The following LARP4B variants were observed in gnomAD, a reference collection of about 807,000 sequenced individuals.
LARP4B encodes the protein La ribonucleoprotein 4B.
In LARP4B, 12 loss-of-function variants were observed where a neutral mutation model predicts 89.8. The observed-to-expected ratio is 0.13, with a 90% CI of 0.09 to 0.22. The LOEUF (loss-of-function observed/expected upper bound fraction) is 0.22. Ranked by LOEUF, LARP4B falls within the 10% of genes least tolerant of loss-of-function variation. The pLI is 1.00. For synonymous variants in LARP4B, 367 were observed against 363.3 expected, an observed-to-expected ratio of 1.01 and a Z score of -0.12; for missense variants, 757 against 947.7, an observed-to-expected ratio of 0.80 and a Z score of 2.64.
chr10:865,967 AC>A (rs1386302763), intron 3 of LARP4B, among the ~76,000 whole-genome samples: 5 of 152,178 alleles, frequency 3.3e-5, no homozygotes, highest in Non-Finnish European at 1.5e-5. Flanking sequence ...GCTGGAAAGG[AC>A]CACCATGAGC....
intron 3 of LARP4B, among the ~76,000 whole-genome samples, chr10:869,836 G>A (rs1206195873): frequency 6.6e-6 from 1 of 151,380 alleles, no homozygotes; most frequent in Non-Finnish European, 1.5e-5. Context: ...GGGAGGTGGA[G>A]GTTGCAGTGA....
chr10:884,693 T>C (rs1226351246), intron 2 of LARP4B, among the ~76,000 whole-genome samples, 187 bp from the exon 3 acceptor site: 1 of 152,142 alleles, frequency 6.6e-6, no homozygotes, highest in African/African-American at 2.4e-5. Flanking sequence ...ATGAACATCA[T>C]AGATAAAGTT....
chr10:878,432 C>A (rs1031922887), intron 3 of LARP4B, among the ~76,000 whole-genome samples: 5 of 151,676 alleles, frequency 3.3e-5, no homozygotes, highest in African/African-American at 1.2e-4. Flanking sequence ...GACACCCCTG[C>A]GTGACTCATG....
intron 1 of LARP4B, among the ~76,000 whole-genome samples, chr10:931,057 C>T (rs1277971001): frequency 6.6e-6 from 1 of 150,648 alleles, no homozygotes; most frequent in Admixed American, 6.6e-5. Context: ...GTCTTCCGGG[C>T]ACCCAGCTCC....
chr10:960,562 T>G, the LARP4B span, among the ~76,000 whole-genome samples: 10 of 151,566 alleles, frequency 6.6e-5, no homozygotes, highest in South Asian at 2.1e-3. Flanking sequence ...TAAAAAAAAT[T>G]AGCTGGGTGT....
At chr10:817,349 C>T (rs910178268) in intron 15 of LARP4B, among the ~76,000 whole-genome samples, 2 of 152,208 alleles carry the variant, frequency 1.3e-5, no homozygotes, top group African/African-American at 4.8e-5. Context: ...ATGTAGATTA[C>T]TACACATTTT....
chr10:854,814 A>C (rs150251955), intron 5 of LARP4B, among the ~76,000 whole-genome samples: 6 of 152,324 alleles, frequency 3.9e-5, no homozygotes, highest in African/African-American at 1.2e-4. Flanking sequence ...TCTAATGTTG[A>C]AACCAGGATT....
At chr10:958,452 C>T in the LARP4B span, among the ~76,000 whole-genome samples, 1 of 152,206 alleles carries the variant, frequency 6.6e-6, no homozygotes, top group Non-Finnish European at 1.5e-5. Context: ...TTTAAGCATC[C>T]TGCAGCCTAA....
In LARP4B at chr10:814,107, A is replaced by T. The variant is rs1021064945; in HGVS notation, c.1929+635T>A. Among the ~76,000 whole-genome samples the T allele has an allele frequency of 5.3e-5, 8 of 150,522 alleles. No individual in the cohort carries two copies. On this transcript the variant is annotated intron_variant, in intron 17 of 17. Coordinates refer to ENST00000316157, the MANE Select transcript of LARP4B (RefSeq NM_015155.3). The surrounding 1 kb of genome is among the most constrained non-coding windows in gnomAD (Gnocchi z 4.4). ...TGAGCCACAGCACCTGGCCTCTTTT[A>T]TTATTATTATTATTTATTATTAAAA... is the stretch of plus-strand genomic sequence containing the variant.
Position 809,744 on chromosome 10 carries a change from G to C in LARP4B, c.*3182C>G, listed in dbSNP as rs966475730. 1.3e-5 allele frequency: 2 copies of C among 152,664 alleles called. No homozygotes were observed. The highest frequency in any genetic ancestry group is 2.1e-4 in the South Asian group (1 of 4,838). The allele number at this position is 152,664 out of a possible 1,614,324, so 9.5% of individuals were successfully genotyped here. The stretch of plus-strand genomic sequence containing the variant: ...GCGCTGTGAGCTGCTGGCGGCCAGC[G>C]CCCTCGCCTCGATTGTCTGCAGCCC... On this transcript the variant is annotated 3_prime_UTR_variant, in exon 18 of 18. Transcript: ENST00000316157.
At chr10:842,249 G>A (rs1302555794) in intron 7 of LARP4B, among the ~76,000 whole-genome samples, 1 of 151,568 alleles carries the variant, frequency 6.6e-6, no homozygotes, top group African/African-American at 2.4e-5. Flanking sequence ...CCAGGCTGGA[G>A]TGCAATGGCA....
Position 863,887 on chromosome 10 carries a change from C to G in LARP4B, c.290-4G>C. 6.2e-7 allele frequency: 1 copy of G among 1,607,322 alleles called. No homozygotes were observed. Among genetic ancestry groups the G allele is most frequent in the African/African-American group, 1.3e-5 (1 of 74,502 alleles). On this transcript the variant is annotated splice_polypyrimidine_tract_variant and splice_region_variant and intron_variant, in intron 4 of 17. Transcript: ENST00000316157. ...CCATCACCATTGGCATCCGATCCTA[C>G]AATTAGGAGTTTACCCCAAAAAGGC... is the stretch of plus-strand genomic sequence containing the variant.
At chr10:833,267 A>AAC (rs1833009293) in intron 8 of LARP4B, among the ~76,000 whole-genome samples, 1 of 148,872 alleles carries the variant, frequency 6.7e-6, no homozygotes, top group Non-Finnish European at 1.5e-5. Context: ...AAAAAAAAAA[A>AAC]AAAAAAAAAA....
At position 820,776 on chromosome 10, in the gene LARP4B, G is replaced by T. The variant is rs373877172; in HGVS notation, c.1530+24C>A. Reference sequence around the variant, plus strand: ...AAATTAGATTTAAATGTCTTGTGAAGAGGTATATGCTTTATGTACTCACTG... The same window carrying T: ...AAATTAGATTTAAATGTCTTGTGAATAGGTATATGCTTTATGTACTCACTG... On this transcript the variant is annotated intron_variant, in intron 14 of 17. Transcript: ENST00000316157. The T allele has an allele frequency of 5.7e-6, 9 of 1,582,980 alleles. No individual in the cohort carries two copies. In the Admixed American group the frequency reaches 1.6e-4, roughly 28 times the overall value.
At chr10:870,175 A>G (rs1588945217) in intron 3 of LARP4B, 2 of 283,520 alleles carry the variant, frequency 7.1e-6, no homozygotes, top group Non-Finnish European at 1.1e-5. Context: ...TTGTGACTGT[A>G]TTAGTCCAGA....
chr10:835,953 T>C (rs1833194219), intron 8 of LARP4B, among the ~76,000 whole-genome samples: 1 of 151,422 alleles, frequency 6.6e-6, no homozygotes, highest in Non-Finnish European at 1.5e-5. Context: ...AAAAAATTAC[T>C]CCCCAAGTTA....
At chr10:872,874 A>G (rs1835292703) in intron 3 of LARP4B, 2 of 186,804 alleles carry the variant, frequency 1.1e-5, no homozygotes, top group Admixed American at 6.5e-5. Context: ...GTATATATAA[A>G]AGAGGAAAGA....
intron 3 of LARP4B, chr10:869,907 TAATAA>T (rs1835110048): frequency 4.5e-4 from 1 of 2,244 alleles, no homozygotes; most frequent in Non-Finnish European, 2.1e-3. Flanking sequence ...AAAAAATAAA[TAATAA>T]TAATAATAAT....
chr10:811,329 A>C lies in LARP4B; in HGVS notation c.*1597T>G, dbSNP rs999053028. 9 of 152,630 alleles carry C rather than the reference A, an allele frequency of 5.9e-5. No homozygotes were observed. Among genetic ancestry groups the C allele is most frequent in the African/African-American group, 2.2e-4 (9 of 41,430 alleles). The allele number at this position is 152,630 out of a possible 1,614,324, so 9.5% of individuals were successfully genotyped here. A position where few individuals can be genotyped will look rare whatever the true frequency, so the allele number is the denominator to read the frequency against. Reference sequence around the variant, plus strand: ...GGTACCTTTTTCATATGTTCTGATTATTTACAACTGTACAAGCGAAGCACA... The same window carrying C: ...GGTACCTTTTTCATATGTTCTGATTCTTTACAACTGTACAAGCGAAGCACA... On this transcript the variant is annotated 3_prime_UTR_variant, in exon 18 of 18. Coordinates refer to ENST00000316157, the MANE Select transcript of LARP4B (RefSeq NM_015155.3).
Sources: gnomAD v4.1 joint callset for allele counts (sites outside exome capture counted in the v4.1 genomes callset) on GRCh38, gnomAD v4.1.1 for gene constraint, Gnocchi (gnomAD v3.1) non-coding constraint, MANE v1.5 for transcripts, NCBI Gene and HGNC (gene_info 2026-07-23, HGNC 2026-07-21) for gene names.